Variants in PDSS2 observed in about 807,000 individuals in gnomAD.
The protein encoded by PDSS2 is all trans-polyprenyl-diphosphate synthase PDSS2.
PDSS2 carries 31 observed loss-of-function variants against 44.5 expected under a neutral mutation model. That is an observed-to-expected ratio of 0.70 (90% CI 0.52 to 0.94). The LOEUF (loss-of-function observed/expected upper bound fraction) is 0.94, where lower values mean the gene tolerates loss of function less well. PDSS2 is among the 40% of genes least tolerant of loss of function. The pLI, the probability that PDSS2 is intolerant of heterozygous loss-of-function variation, is 0.00. For synonymous variants in PDSS2, 157 were observed against 180.3 expected (o/e 0.87, Z 1.03); for missense variants, 452 against 482.2 (o/e 0.94, Z 0.59).
intron 1 of PDSS2, among the ~76,000 whole-genome samples, chr6:107,355,270 TTGTG>T (rs1186924695): frequency 6.6e-6 from 1 of 152,224 alleles, no homozygotes; most frequent in Non-Finnish European, 1.5e-5. Context: ...AGATACTTCA[TTGTG>T]TGTAACAATC....
In PDSS2 at chr6:107,320,255, CA is replaced by C. The variant is rs568890263; in HGVS notation, c.431+13942del. On this transcript the variant is annotated intron_variant, in intron 2 of 7. Coordinates refer to ENST00000369037, the MANE Select transcript of PDSS2 (RefSeq NM_020381.4). ...GTTTGTTGGTTCTCACGTACAGCCT[CA>C]AAAAAATCCATTACATCATTATTTG... Among the ~76,000 whole-genome samples the C allele has an allele frequency of 6.5e-3, 993 of 151,934 alleles. 7 individuals are homozygous for C. Among genetic ancestry groups the C allele is most frequent in the African/African-American group, 0.023 (941 of 41,468 alleles).
At chr6:107,372,315 T>C (rs764077416) in intron 1 of PDSS2, among the ~76,000 whole-genome samples, 19 of 152,032 alleles carry the variant, frequency 1.2e-4, no homozygotes, top group Non-Finnish European at 2.2e-4. Context: ...AATAAGTAAA[T>C]CACAAGACTC....
chr6:107,373,227 C>T (rs1166665845), intron 1 of PDSS2, among the ~76,000 whole-genome samples: 4 of 151,578 alleles, frequency 2.6e-5, no homozygotes, highest in South Asian at 2.1e-4. Flanking sequence ...CCTCATGATC[C>T]GCCCGCCTTG....
At chr6:107,212,914 A>T (rs984199248) in intron 4 of PDSS2, among the ~76,000 whole-genome samples, 1 of 151,922 alleles carries the variant, frequency 6.6e-6, no homozygotes, top group African/African-American at 2.4e-5. Context: ...TGAGGCAGGA[A>T]GATCACTTGA....
intron 1 of PDSS2, among the ~76,000 whole-genome samples, chr6:107,379,169 A>C (rs943668970): frequency 6.6e-6 from 1 of 152,186 alleles, no homozygotes; most frequent in Non-Finnish European, 1.5e-5. Flanking sequence ...TTATTTATTC[A>C]ATCATTTATA....
At chr6:107,383,343 C>T (rs1380096457) in intron 1 of PDSS2, among the ~76,000 whole-genome samples, 2 of 124,422 alleles carry the variant, frequency 1.6e-5, no homozygotes, top group Non-Finnish European at 3.4e-5. Flanking sequence ...CAAAATAGAT[C>T]ATAGATCTAA....
At chr6:107,338,770 T>C (rs572144501) in intron 1 of PDSS2, among the ~76,000 whole-genome samples, 1 of 152,184 alleles carries the variant, frequency 6.6e-6, no homozygotes, top group African/African-American at 2.4e-5. Context: ...CTAGAGCCAG[T>C]GTGGCAGGAA....
intron 1 of PDSS2, among the ~76,000 whole-genome samples, chr6:107,365,448 C>T (rs1321417303): frequency 6.6e-6 from 1 of 151,816 alleles, no homozygotes; most frequent in African/African-American, 2.4e-5. Context: ...AAAGGAGGAA[C>T]AGAGAAACAA....
chr6:107,275,355 T>C (rs1443446298), intron 2 of PDSS2, among the ~76,000 whole-genome samples: 2 of 152,094 alleles, frequency 1.3e-5, no homozygotes. Flanking sequence ...AAAATGATTT[T>C]CCCAAGAGTA....
chr6:107,164,214 C>T (rs201365143), intron 7 of PDSS2, among the ~76,000 whole-genome samples: 15 of 151,886 alleles, frequency 9.9e-5, no homozygotes, highest in African/African-American at 3.6e-4. Context: ...CTGTGCACAA[C>T]GTGCAGGTTT....
intron 2 of PDSS2, among the ~76,000 whole-genome samples, chr6:107,292,371 T>G (rs1739208296): frequency 1.3e-5 from 2 of 152,212 alleles, no homozygotes; most frequent in South Asian, 4.1e-4. Flanking sequence ...CTTGATTTAT[T>G]TCCAAAAAAG....
chr6:107,164,347 T>G (rs1375284164), intron 7 of PDSS2, among the ~76,000 whole-genome samples: 1 of 152,088 alleles, frequency 6.6e-6, no homozygotes. Context: ...CCCTGGTGTG[T>G]GATGTTCCCC....
chr6:107,297,221 C>T (rs776106568), intron 2 of PDSS2, among the ~76,000 whole-genome samples: 8 of 152,106 alleles, frequency 5.3e-5, no homozygotes, highest in Non-Finnish European at 7.3e-5. Context: ...CTCAGTCAGT[C>T]TCAGATTTAA....
At chr6:107,218,127 C>T (rs181028637) in intron 4 of PDSS2, among the ~76,000 whole-genome samples, 236 of 152,302 alleles carry the variant, frequency 1.5e-3, no homozygotes, top group African/African-American at 5.5e-3. Flanking sequence ...TACTAAAGAC[C>T]ATTTGGTCTG....
At chr6:107,331,006 A>G (rs1479778163) in intron 2 of PDSS2, among the ~76,000 whole-genome samples, 1 of 152,200 alleles carries the variant, frequency 6.6e-6, no homozygotes, top group Non-Finnish European at 1.5e-5. Context: ...CAGGTAATTT[A>G]CTCAGGTCCC....
intron 1 of PDSS2, among the ~76,000 whole-genome samples, chr6:107,371,175 T>C (rs1235306591): frequency 2.3e-4 from 13 of 57,002 alleles, no homozygotes; most frequent in African/African-American, 1.0e-4. Flanking sequence ...AGCAAAACTC[T>C]GTCTCAAAGT....
At chr6:107,302,574 T>C (rs190349253) in intron 2 of PDSS2, among the ~76,000 whole-genome samples, 1 of 152,218 alleles carries the variant, frequency 6.6e-6, no homozygotes, top group African/African-American at 2.4e-5. Flanking sequence ...GAATTAAATC[T>C]TTCCTCTATT....
Position 107,212,218 on chromosome 6 carries a change from C to T in PDSS2, c.767G>A (p.Gly256Asp), listed in dbSNP as rs770989579. ...TTGGCAGCTCTTTGCTAGTAAGGCA[C>T]CATGGGAGAGAAAAGTCTGCTCCTT... Reference protein sequence around the residue: ...TWKEQTFLSHGALLAKSCQAA... With the variant: ...TWKEQTFLSHDALLAKSCQAA... The change falls in exon 5 of 8, where the codon GGT becomes GAT. Residue 256 changes from glycine (G) to aspartate (D), a missense_variant. Transcript: ENST00000369037. 44 of 1,613,622 alleles carry T rather than the reference C, an allele frequency of 2.7e-5. No homozygotes were observed. The highest frequency in any genetic ancestry group is 3.7e-5 in the Non-Finnish European group (44 of 1,179,620).
intron 4 of PDSS2, among the ~76,000 whole-genome samples, chr6:107,219,448 C>T (rs574019775): frequency 1.4e-4 from 22 of 152,122 alleles, no homozygotes; most frequent in African/African-American, 4.6e-4. Flanking sequence ...CCACTACACC[C>T]GGCTAATTTT....
Sources: allele counts gnomAD v4.1 joint callset (sites outside exome capture counted in the v4.1 genomes callset), GRCh38; gene constraint gnomAD v4.1.1; transcripts MANE v1.5; gene names NCBI Gene and HGNC (gene_info 2026-07-23, HGNC 2026-07-21).